Variants in CNTN2 observed in about 807,000 individuals in gnomAD.
The protein encoded by CNTN2 is contactin-2.
Under a neutral mutation model 117.5 loss-of-function variants are expected in CNTN2, and 53 were observed. The observed-to-expected ratio is 0.45, with a 90% CI of 0.36 to 0.57. The LOEUF (loss-of-function observed/expected upper bound fraction) is 0.57, where lower values mean the gene tolerates loss of function less well. CNTN2 is among the 20% of genes least tolerant of loss of function. The pLI, the probability that CNTN2 is intolerant of heterozygous loss-of-function variation, is 0.00. For missense variants in CNTN2, 1,106 were observed against 1,404.3 expected, an observed-to-expected ratio of 0.79 and a Z score of 3.39; for synonymous variants, 530 against 561.7, an observed-to-expected ratio of 0.94 and a Z score of 0.80.
intron 7 of CNTN2, chr1:205,060,034 T>C (rs531921033): frequency 1.0e-4 from 28 of 275,886 alleles, no homozygotes; most frequent in African/African-American, 5.6e-4. Flanking sequence ...AGACCTTGGG[T>C]AAACTGCCTA....
chr1:205,061,330 A>G lies in CNTN2; in HGVS notation c.883A>G (p.Ser295Gly). Residue 295 changes from serine to glycine, a missense_variant, in exon 8 of 23, where the codon AGC becomes GGC. Ser to Gly is a moderately conservative substitution (Grantham distance 56). Coordinates refer to ENST00000331830, the MANE Select transcript of CNTN2 (RefSeq NM_005076.5). This position sits in a 1 kb window ranked among gnomAD's most constrained non-coding sequence, Gnocchi z 4.8. ...AGCTGAGCCCACCCTGCAGATCCCC[A>G]GCGTCAGCTTTGAGGATGAGGGCAC... Reference protein sequence around the residue: ...TTAEPTLQIPSVSFEDEGTYE... With the variant: ...TTAEPTLQIPGVSFEDEGTYE... 7 of 1,614,082 alleles carry G rather than the reference A, an allele frequency of 4.3e-6. No individual in the cohort carries two copies. The highest frequency in any genetic ancestry group is 5.9e-6 in the Non-Finnish European group (7 of 1,179,982).
At chr1:205,044,462 G>GT (rs1231806513) in intron 1 of CNTN2, among the ~76,000 whole-genome samples, 4 of 151,824 alleles carry the variant, frequency 2.6e-5, no homozygotes, top group African/African-American at 9.7e-5. Context: ...GTGTCCTGGG[G>GT]GGGGGGGTCC....
Position 205,050,652 on chromosome 1 carries a change from C to T in CNTN2, c.-86-2448C>T, listed in dbSNP as rs573377535. Among the ~76,000 whole-genome samples the T allele has an allele frequency of 2.6e-5, 4 of 152,004 alleles. No homozygotes were observed. The South Asian group carries it at 6.2e-4, about 24-fold the overall frequency. ...TTTTTTTTTGAAATGGAATTTTGCT[C>T]TTGTTGCCCAGGCTGCAGTGCAATG... On this transcript the variant is annotated intron_variant, in intron 1 of 22. Coordinates refer to ENST00000331830, the MANE Select transcript of CNTN2 (RefSeq NM_005076.5).
Position 205,048,733 on chromosome 1 carries a change from G to A in CNTN2, c.-86-4367G>A, listed in dbSNP as rs2096446365. On this transcript the variant is annotated intron_variant, in intron 1 of 22. Transcript: ENST00000331830. The surrounding 1 kb of genome is among the most constrained non-coding windows in gnomAD (Gnocchi z 4.1). ...CATGAGCGCATTCTAGGCTGCACTC[G>A]GGCGGTCGGGGAGCTCTGTAGAGGC... Among the ~76,000 whole-genome samples, 1 of 152,168 alleles carries A rather than the reference G, an allele frequency of 6.6e-6. No homozygotes were observed. Among genetic ancestry groups the A allele is most frequent in the Non-Finnish European group, 1.5e-5 (1 of 68,030 alleles).
intron 18 of CNTN2, 120 bp from the exon 19 acceptor site, chr1:205,070,306 C>T (rs1032945629): frequency 1.1e-5 from 8 of 748,024 alleles, no homozygotes; most frequent in East Asian, 8.1e-5. Context: ...GGCTCCCACT[C>T]GGCCTTCATC....
intron 16 of CNTN2, chr1:205,067,992 T>C (rs890969335): frequency 2.1e-5 from 3 of 146,142 alleles, no homozygotes; most frequent in Admixed American, 1.4e-4. Context: ...GTGAAAGATG[T>C]GTGTGTGTTC....
At chr1:205,046,699 G>A (rs562188833) in intron 1 of CNTN2, among the ~76,000 whole-genome samples, 1 of 152,314 alleles carries the variant, frequency 6.6e-6, no homozygotes, top group Admixed American at 6.5e-5. Context: ...AATGCACGAG[G>A]AAATTTTCTT....
At position 205,073,397 on chromosome 1, in the gene CNTN2, GC is replaced by G; in HGVS notation, c.3013+163del. The G allele has an allele frequency of 1.1e-6, 1 of 908,352 alleles. No homozygotes were observed. The highest frequency in any genetic ancestry group is 1.6e-6 in the Non-Finnish European group (1 of 611,616). 56.3% of individuals were successfully genotyped at this position (908,352 alleles called of 1,614,324 possible). On this transcript the variant is annotated intron_variant, in intron 22 of 22. Coordinates refer to ENST00000331830, the MANE Select transcript of CNTN2 (RefSeq NM_005076.5). This position sits in a 1 kb window ranked among gnomAD's most constrained non-coding sequence, Gnocchi z 6.3. Reference sequence around the variant, plus strand: ...AAAGTAGTCTTAGAACTGCCTCGCCGCCACCTTTCTACCCAGCCCCCAGAAC... The same window carrying G: ...AAAGTAGTCTTAGAACTGCCTCGCCGCACCTTTCTACCCAGCCCCCAGAAC...
chr1:205,065,895 C>T lies in CNTN2; in HGVS notation c.1802C>T (p.Thr601Ile), dbSNP rs1654264072. ...GTGGACAGCGCGTCCAAGGAGGCCA[C>T]AGTCCTGGTCCGAGGTGAGGGGTTT... The part of the protein sequence containing the change: ...TVVDSASKEA[T>I]VLVRGPPGPP... The change falls in exon 14 of 23, where the codon ACA (threonine) becomes ATA (isoleucine). Residue 601 changes from threonine (T) to isoleucine (I), a missense_variant. Coordinates refer to ENST00000331830, the MANE Select transcript of CNTN2 (RefSeq NM_005076.5). This position sits in a 1 kb window ranked among gnomAD's most constrained non-coding sequence, Gnocchi z 4.1. 9 of 1,612,814 alleles carry T rather than the reference C, an allele frequency of 5.6e-6. No homozygotes were observed. The East Asian group carries it at 1.6e-4, about 28-fold the overall frequency.
chr1:205,074,639 C>T lies in CNTN2; in HGVS notation c.*874C>T, dbSNP rs993958158. The T allele has an allele frequency of 2.5e-6, 1 of 399,052 alleles. No individual in the cohort carries two copies. The highest frequency in any genetic ancestry group is 4.4e-6 in the Non-Finnish European group (1 of 226,122). The allele number at this position is 399,052 out of a possible 1,614,324, so 24.7% of individuals were successfully genotyped here. On this transcript the variant is annotated 3_prime_UTR_variant, in exon 23 of 23. Coordinates refer to ENST00000331830, the MANE Select transcript of CNTN2 (RefSeq NM_005076.5). ...CCTCCAAGACCCATTCTGCACAGTC[C>T]CTCCAGGGTTTGGGCAGGAGATGGC...
chr1:205,044,888 C>T (rs982507977), intron 1 of CNTN2, among the ~76,000 whole-genome samples: 1 of 152,158 alleles, frequency 6.6e-6, no homozygotes, highest in Non-Finnish European at 1.5e-5. Flanking sequence ...GCATCCAAGC[C>T]CCTCCCCAGG....
In CNTN2 at chr1:205,064,755, G is replaced by A. The variant is rs1028279394; in HGVS notation, c.1519+5G>A. 13 of 1,613,762 alleles carry A rather than the reference G, an allele frequency of 8.1e-6. No individual in the cohort carries two copies. Among genetic ancestry groups the A allele is most frequent in the Non-Finnish European group, 1.0e-5 (12 of 1,179,866 alleles). On this transcript the variant is annotated splice_donor_5th_base_variant and intron_variant, in intron 12 of 22. Coordinates refer to ENST00000331830, the MANE Select transcript of CNTN2 (RefSeq NM_005076.5). ...CTGGAATCCTATCTGTGCGAGGTGA[G>A]GGCTGCCATGTGGGTAGGCCGGGGG...
At chr1:205,069,645 C>T in intron 17 of CNTN2, 84 bp downstream of exon 17, 1 of 1,492,276 alleles carries the variant, frequency 6.7e-7, no homozygotes, top group Non-Finnish European at 9.2e-7. Flanking sequence ...CACTGCACAG[C>T]TCTGACTCAA....
rs1244186369 is a variant in CNTN2 at position 205,065,836 on chromosome 1, TG to T, written c.1749del (p.Lys584SerfsTer33). On this transcript the variant is annotated frameshift_variant, in exon 14 of 23. Coordinates refer to ENST00000331830, the MANE Select transcript of CNTN2 (RefSeq NM_005076.5). LOFTEE classifies it high-confidence loss of function. This position sits in a 1 kb window ranked among gnomAD's most constrained non-coding sequence, Gnocchi z 4.1. ...CCATCCTGAACGCCCAGCTGCGCCA[TG>T]GGGGGAAGTACACGTGCATGGCCCA... Reference protein sequence around the residue: ...LTILNAQLRHGGKYTCMAQTV... With the variant: ...LTILNAQLRHXGKYTCMAQTV... 2 of 1,602,724 alleles carry T rather than the reference TG, an allele frequency of 1.2e-6. No homozygotes were observed. The highest frequency in any genetic ancestry group is 2.2e-5 in the East Asian group (1 of 44,822).
At chr1:205,071,416 C>T (rs1444853185) in intron 19 of CNTN2, among the ~76,000 whole-genome samples, 1 of 152,210 alleles carries the variant, frequency 6.6e-6, no homozygotes. Flanking sequence ...TAGTAGAGTA[C>T]TCTAGATTTG....
Position 205,070,009 on chromosome 1 carries a change from C to A in CNTN2, c.2379C>A (p.Arg793=), listed in dbSNP as rs1231180190. 4 of 1,613,890 alleles carry A rather than the reference C, an allele frequency of 2.5e-6. No homozygotes were observed. The highest frequency in any genetic ancestry group is 3.4e-6 in the Non-Finnish European group (4 of 1,180,042). The change falls in exon 18 of 23, where the codon CGC becomes CGA. Residue 793 remains arginine, a synonymous_variant. Transcript: ENST00000331830. ...PFEVKIRSYN[R]RGDGPESLTA... Reference sequence around the variant, plus strand: ...AGGTCAAGATCCGCAGCTACAACCGCCGCGGGGATGGGCCCGAGAGCCTCA... The same window carrying A: ...AGGTCAAGATCCGCAGCTACAACCGACGCGGGGATGGGCCCGAGAGCCTCA...
intron 15 of CNTN2, 146 bp downstream of exon 15, chr1:205,066,745 A>C (rs749152670): frequency 1.0e-6 from 1 of 984,374 alleles, no homozygotes; most frequent in Non-Finnish European, 1.5e-6. Flanking sequence ...CTCTGCCAGC[A>C]GAGAGCATGC....
intron 1 of CNTN2, among the ~76,000 whole-genome samples, chr1:205,044,441 G>A (rs1415337197): frequency 1.3e-5 from 2 of 150,600 alleles, no homozygotes; most frequent in African/African-American, 5.0e-5. Context: ...AGACCCCTGG[G>A]GGTTGAGCCT....
chr1:205,058,939 C>T lies in CNTN2; in HGVS notation c.488-145C>T. On this transcript the variant is annotated intron_variant, in intron 5 of 22. Transcript: ENST00000331830. The surrounding 1 kb of genome is among the most constrained non-coding windows in gnomAD (Gnocchi z 4.3). ...GGGCAGGAATAAAGTCACTTCTTCC[C>T]TCTAGGTCTCCCCTTAGCCCCAGTT... The T allele has an allele frequency of 1.3e-6, 1 of 771,848 alleles. No homozygotes were observed. Among genetic ancestry groups the T allele is most frequent in the South Asian group, 1.8e-5 (1 of 57,022 alleles). The allele number at this position is 771,848 out of a possible 1,614,324, so 47.8% of individuals were successfully genotyped here.
Sources: gnomAD v4.1 joint callset for allele counts (sites outside exome capture counted in the v4.1 genomes callset) on GRCh38, gnomAD v4.1.1 for gene constraint, Gnocchi (gnomAD v3.1) non-coding constraint, MANE v1.5 for transcripts, NCBI Gene and HGNC (gene_info 2026-07-23, HGNC 2026-07-21) for gene names.